The following TBC1D5 variants were observed in gnomAD, a reference collection of about 807,000 sequenced individuals.
TBC1D5 encodes TBC1 domain family member 5.
A neutral mutation model predicts 100.3 loss-of-function variants in TBC1D5; 75 were observed. That is an observed-to-expected ratio of 0.75 (90% CI 0.62 to 0.91). The LOEUF (loss-of-function observed/expected upper bound fraction) is 0.91, where lower values mean the gene tolerates loss of function less well. Among genes scored for constraint, TBC1D5 ranks in the 40% least tolerant of loss-of-function variants. TBC1D5 has a pLI of 0.00. For missense variants in TBC1D5, 910 were observed against 942.4 expected (o/e 0.97, Z 0.45); for synonymous variants, 323 against 325.6 (o/e 0.99, Z 0.09).
At chr3:17,482,478 T>C (rs548115356) in intron 3 of TBC1D5, among the ~76,000 whole-genome samples, 1 of 152,320 alleles carries the variant, frequency 6.6e-6, no homozygotes, top group South Asian at 2.1e-4. Context: ...CATTAATGTA[T>C]TCAGGTTTTC....
chr3:17,658,110 G>C (rs1397615058), intron 1 of TBC1D5, among the ~76,000 whole-genome samples: 1 of 152,108 alleles, frequency 6.6e-6, no homozygotes, highest in Non-Finnish European at 1.5e-5. Context: ...ATATAACCTA[G>C]GTATGTGGCA....
rs551581206 is a variant in TBC1D5, at chr3:17,383,535, C to G, written c.612+378G>C. 2.0e-5 allele frequency among the ~76,000 whole-genome samples: 3 copies of G among 151,992 alleles called. No individual in the cohort carries two copies. The East Asian group carries it at 5.8e-4, about 29-fold the overall frequency. On this transcript the variant is annotated intron_variant, in intron 9 of 21. Transcript: ENST00000253692. ...ATAAGTTTTAAAAGGTAATAGGATA[C>G]TTGATTATTTTTTACATGACATGTC...
At chr3:17,710,287 G>A (rs990567329) in intron 1 of TBC1D5, among the ~76,000 whole-genome samples, 4 of 152,068 alleles carry the variant, frequency 2.6e-5, no homozygotes, top group Middle Eastern at 3.2e-3. Context: ...AAAATAGGTC[G>A]GGTGTGGTGG....
chr3:17,178,271 T>C (rs2068041555), intron 19 of TBC1D5, among the ~76,000 whole-genome samples: 1 of 152,104 alleles, frequency 6.6e-6, no homozygotes, highest in South Asian at 2.1e-4. Context: ...TTCACCATGT[T>C]AGCCAGGATG....
intron 1 of TBC1D5, among the ~76,000 whole-genome samples, chr3:17,703,916 T>G (rs111285352): frequency 0.068 from 7,621 of 111,744 alleles, 582 homozygotes; most frequent in African/African-American, 0.2. Context: ...TTTTTTTTGT[T>G]TTTTTTTTTT....
At chr3:17,291,647 T>C (rs548338224) in intron 15 of TBC1D5, among the ~76,000 whole-genome samples, 6 of 152,266 alleles carry the variant, frequency 3.9e-5, no homozygotes, top group South Asian at 2.1e-4. Flanking sequence ...GGGAAAAGCA[T>C]AGAATAACCT....
chr3:17,699,407 G>T (rs1474355024), intron 1 of TBC1D5, among the ~76,000 whole-genome samples: 4 of 107,352 alleles, frequency 3.7e-5, no homozygotes, highest in South Asian at 4.4e-4. Flanking sequence ...GTGGGGGGAG[G>T]GGGGAGGGAT....
chr3:17,601,225 T>C lies in TBC1D5; in HGVS notation c.-36+22624A>G, dbSNP rs538046343. ...AATGCCCTCATCTAAAGACTACCAA[T>C]ATGGGCCGGGTGCAGTGGCTCATGC... On this transcript the variant is annotated intron_variant, in intron 2 of 21. Coordinates refer to ENST00000253692, the Ensembl canonical transcript of TBC1D5. 3.3e-5 allele frequency among the ~76,000 whole-genome samples: 5 copies of C among 152,318 alleles called. No homozygotes were observed. In the East Asian group the frequency reaches 7.7e-4, roughly 24 times the overall value.
At chr3:17,476,648 GACTGAAAAATAC>G (rs1302713033) in intron 3 of TBC1D5, among the ~76,000 whole-genome samples, 1 of 151,744 alleles carries the variant, frequency 6.6e-6, no homozygotes, top group Admixed American at 6.6e-5. Flanking sequence ...TAAAAATTTT[GACTGAAAAATAC>G]ACTGAATCTA....
chr3:17,394,990 G>T (rs1213961979), intron 8 of TBC1D5, among the ~76,000 whole-genome samples: 2 of 151,852 alleles, frequency 1.3e-5, no homozygotes, highest in Non-Finnish European at 2.9e-5. Flanking sequence ...ACAATGAGTA[G>T]GACTCAGCCC....
intron 2 of TBC1D5, among the ~76,000 whole-genome samples, chr3:17,545,628 A>G (rs1379343939): frequency 6.6e-6 from 1 of 152,250 alleles, no homozygotes; most frequent in Non-Finnish European, 1.5e-5. Context: ...ATATAAGAAA[A>G]CATGAATATT....
chr3:17,481,068 C>T (rs1043229204), intron 3 of TBC1D5, among the ~76,000 whole-genome samples: 1 of 152,216 alleles, frequency 6.6e-6, no homozygotes, highest in African/African-American at 2.4e-5. Flanking sequence ...GTGACAACCT[C>T]TTTGGGGTTC....
intron 18 of TBC1D5, among the ~76,000 whole-genome samples, chr3:17,197,730 C>T (rs545829469): frequency 1.1e-4 from 16 of 152,150 alleles, no homozygotes; most frequent in Non-Finnish European, 2.1e-4. Context: ...GAACATTTGT[C>T]ACCTCAGAAC....
chr3:17,727,743 T>C (rs547494994), intron 1 of TBC1D5, among the ~76,000 whole-genome samples: 2 of 152,348 alleles, frequency 1.3e-5, no homozygotes, highest in East Asian at 3.9e-4. Flanking sequence ...GTTATTTCAA[T>C]GACATGCTCT....
At chr3:17,170,597 T>C (rs1452923603) in intron 19 of TBC1D5, among the ~76,000 whole-genome samples, 1 of 151,958 alleles carries the variant, frequency 6.6e-6, no homozygotes, top group Non-Finnish European at 1.5e-5. Context: ...CCCAAGGTAA[T>C]GGCGGGGCCC....
intron 16 of TBC1D5, among the ~76,000 whole-genome samples, chr3:17,252,395 T>C (rs1213596164): frequency 1.3e-5 from 2 of 152,190 alleles, no homozygotes; most frequent in South Asian, 2.1e-4. Flanking sequence ...AGAGCCTAAA[T>C]AACTTCACTG....
intron 15 of TBC1D5, among the ~76,000 whole-genome samples, chr3:17,259,712 CG>C (rs35911600): frequency 0.64 from 73,405 of 114,730 alleles, 19,093 homozygotes; most frequent in East Asian, 0.81. Flanking sequence ...CATGCAGGCA[CG>C]GGGGGGGTTG....
intron 10 of TBC1D5, among the ~76,000 whole-genome samples, chr3:17,376,069 G>C (rs533320853): frequency 6.6e-6 from 1 of 152,258 alleles, no homozygotes; most frequent in Admixed American, 6.5e-5. Context: ...AATTTGAGAA[G>C]CAATTTTGTT....
At chr3:17,233,851 A>G in intron 17 of TBC1D5, 101 bp from the exon 18 acceptor site, 1 of 640,068 alleles carries the variant, frequency 1.6e-6, no homozygotes. Flanking sequence ...TCAAATTACT[A>G]AAAATATAGT....
Sources: gnomAD v4.1 joint callset for allele counts (sites outside exome capture counted in the v4.1 genomes callset) on GRCh38, gnomAD v4.1.1 for gene constraint, MANE v1.5 for transcripts, NCBI Gene and HGNC (gene_info 2026-07-23, HGNC 2026-07-21) for gene names.